The following GRID2 variants were observed in gnomAD, a reference collection of about 807,000 sequenced individuals.
GRID2 encodes the protein glutamate receptor ionotropic, delta-2.
GRID2 carries 33 observed loss-of-function variants against 114.8 expected under a neutral mutation model. That is an observed-to-expected ratio of 0.29 (90% CI 0.22 to 0.38). GRID2 has a LOEUF of 0.38. Ranked by LOEUF, GRID2 falls within the 10% of genes least tolerant of loss-of-function variation. The pLI is 1.00. For synonymous variants in GRID2, 505 were observed against 449.9 expected, an observed-to-expected ratio of 1.12 and a Z score of -1.55; for missense variants, 1,184 against 1,257.7, an observed-to-expected ratio of 0.94 and a Z score of 0.89.
intron 2 of GRID2, among the ~76,000 whole-genome samples, chr4:92,712,056 T>A (rs1256996922): frequency 1.3e-5 from 2 of 152,058 alleles, no homozygotes; most frequent in Admixed American, 6.6e-5. Flanking sequence ...GAGAGGAGAG[T>A]GATCATGACG....
intron 4 of GRID2, among the ~76,000 whole-genome samples, chr4:93,141,419 G>C (rs1225561790): frequency 6.6e-6 from 1 of 152,104 alleles, no homozygotes; most frequent in Non-Finnish European, 1.5e-5. Flanking sequence ...CAGTTACCTT[G>C]ACTCAAAAAG....
At chr4:93,448,446 TGGA>T (rs1722300014) in intron 10 of GRID2, among the ~76,000 whole-genome samples, 2 of 151,952 alleles carry the variant, frequency 1.3e-5, no homozygotes, top group South Asian at 4.1e-4. Flanking sequence ...TTTTGGGATA[TGGA>T]TCAAACACTA....
intron 1 of GRID2, among the ~76,000 whole-genome samples, chr4:92,521,199 G>C (rs1311769529): frequency 6.6e-6 from 1 of 151,648 alleles, no homozygotes; most frequent in African/African-American, 2.4e-5. Context: ...GAATTCAGGT[G>C]CAAATATAAA....
At chr4:92,727,848 A>G (rs1736135657) in intron 2 of GRID2, among the ~76,000 whole-genome samples, 1 of 152,048 alleles carries the variant, frequency 6.6e-6, no homozygotes, top group Admixed American at 6.6e-5. Context: ...TTTATGGATG[A>G]AAAAAACTGA....
chr4:93,490,606 A>G, intron 11 of GRID2, 33 bp from the exon 12 acceptor site: 2 of 1,539,266 alleles, frequency 1.3e-6, no homozygotes, highest in South Asian at 1.1e-5. Context: ...ATACTAGTTG[A>G]TGTTCTTTTT....
At chr4:93,423,379 ACTCT>A (rs1271583502) in intron 10 of GRID2, among the ~76,000 whole-genome samples, 1 of 104,288 alleles carries the variant, frequency 9.6e-6, no homozygotes, top group Non-Finnish European at 1.7e-5. Flanking sequence ...ACAGAGTCTC[ACTCT>A]GTCCTCCAGG....
chr4:92,579,657 C>T (rs1471198500), intron 1 of GRID2, among the ~76,000 whole-genome samples: 1 of 151,738 alleles, frequency 6.6e-6, no homozygotes, highest in Non-Finnish European at 1.5e-5. Context: ...TTCTTAGTCT[C>T]CTCAACTGTA....
intron 2 of GRID2, among the ~76,000 whole-genome samples, chr4:93,042,247 ATCTCTCTCTC>A (rs1166899378): frequency 1.1e-4 from 13 of 121,724 alleles, no homozygotes; most frequent in African/African-American, 3.7e-4. Context: ...TATATTTTAA[ATCTCTCTCTC>A]TCTCTCTCTC....
intron 8 of GRID2, chr4:93,259,060 A>G: frequency 3.0e-6 from 1 of 333,592 alleles, no homozygotes; most frequent in South Asian, 2.5e-5. Flanking sequence ...AGTATTATAG[A>G]GATGCTTTGC....
At chr4:93,363,695 T>C (rs1762082739) in intron 8 of GRID2, among the ~76,000 whole-genome samples, 1 of 152,090 alleles carries the variant, frequency 6.6e-6, no homozygotes, top group Non-Finnish European at 1.5e-5. Context: ...ATTTAACATG[T>C]ACTTAAATTA....
chr4:92,411,568 C>T (rs915842834), intron 1 of GRID2, among the ~76,000 whole-genome samples: 3 of 148,988 alleles, frequency 2.0e-5, no homozygotes, highest in South Asian at 4.2e-4. Context: ...CTGTCTCAAG[C>T]CTCTCTGTAT....
At chr4:93,317,836 G>A (rs1050922857) in intron 8 of GRID2, among the ~76,000 whole-genome samples, 1 of 151,046 alleles carries the variant, frequency 6.6e-6, no homozygotes, top group Non-Finnish European at 1.5e-5. Flanking sequence ...AGTGAAGAGA[G>A]GTTATGTGTC....
At chr4:93,325,826 A>G (rs530794238) in intron 8 of GRID2, among the ~76,000 whole-genome samples, 3 of 152,170 alleles carry the variant, frequency 2.0e-5, no homozygotes, top group Admixed American at 6.6e-5. Flanking sequence ...TTTGCTGGCT[A>G]TCACTCACAG....
intron 4 of GRID2, among the ~76,000 whole-genome samples, chr4:93,170,144 C>T (rs759950474): frequency 2.0e-5 from 3 of 152,030 alleles, no homozygotes; most frequent in East Asian, 1.9e-4. Context: ...GTGCAGTGGG[C>T]GCGGTCTTGG....
intron 1 of GRID2, among the ~76,000 whole-genome samples, chr4:92,495,295 AG>A (rs1249791590): frequency 6.6e-6 from 1 of 152,004 alleles, no homozygotes; most frequent in Non-Finnish European, 1.5e-5. Flanking sequence ...GTCACTGAGA[AG>A]AAACTATTTC....
chr4:93,324,990 T>C (rs930665848), intron 8 of GRID2, among the ~76,000 whole-genome samples: 1 of 152,012 alleles, frequency 6.6e-6, no homozygotes, highest in Admixed American at 6.6e-5. Flanking sequence ...AAAACCAGCT[T>C]CTGGATTCAT....
chr4:92,722,819 C>T (rs1238723665), intron 2 of GRID2, among the ~76,000 whole-genome samples: 1 of 152,042 alleles, frequency 6.6e-6, no homozygotes. Flanking sequence ...AGATCCAATA[C>T]CCTTTCCCAA....
intron 1 of GRID2, among the ~76,000 whole-genome samples, chr4:92,404,681 A>G (rs1306222516): frequency 2.6e-5 from 4 of 152,204 alleles, no homozygotes; most frequent in Non-Finnish European, 5.9e-5. Flanking sequence ...CATACACACC[A>G]TGGAATACTG....
rs373470390 is a variant in GRID2 at position 93,452,995 on chromosome 4, C to T, written c.1546-2667C>T. Among the ~76,000 whole-genome samples the T allele has an allele frequency of 2.7e-5, 4 of 150,312 alleles. No individual in the cohort carries two copies. In the South Asian group the frequency reaches 6.4e-4, roughly 24 times the overall value. ...TGTTGGTGTGCTGCACCCAGTAACT[C>T]GTCATTTAACATTAGATATATCTCC... On this transcript the variant is annotated intron_variant, in intron 10 of 15. Coordinates refer to ENST00000282020, the MANE Select transcript of GRID2 (RefSeq NM_001510.4).
Sources: allele counts gnomAD v4.1 joint callset (sites outside exome capture counted in the v4.1 genomes callset), GRCh38; gene constraint gnomAD v4.1.1; transcripts MANE v1.5; gene names NCBI Gene and HGNC (gene_info 2026-07-23, HGNC 2026-07-21).